The following EPAS1 variants were observed in gnomAD, a reference collection of about 807,000 sequenced individuals.
EPAS1 encodes endothelial PAS domain protein 1, also known as endothelial PAS domain-containing protein 1.
A neutral mutation model predicts 87.9 loss-of-function variants in EPAS1; 23 were observed. The observed-to-expected ratio is 0.26, with a 90% CI of 0.19 to 0.37. EPAS1 has a LOEUF of 0.37. EPAS1 is among the 10% of genes least tolerant of loss of function. The pLI is 1.00. For missense variants in EPAS1, 1,138 were observed against 1,120.7 expected (o/e 1.02, Z -0.22); for synonymous variants, 508 against 444.3 (o/e 1.14, Z -1.80).
intron 1 of EPAS1, among the ~76,000 whole-genome samples, chr2:46,317,330 A>C (rs1325325513): frequency 1.3e-5 from 2 of 152,212 alleles, no homozygotes; most frequent in African/African-American, 4.8e-5. Flanking sequence ...ATAGCCTTAC[A>C]AAATTTCTTG....
At position 46,384,986 on chromosome 2, in the gene EPAS1, T is replaced by C. The variant is rs1684981878; in HGVS notation, c.*326T>C. 2.7e-6 allele frequency: 1 copy of C among 372,042 alleles called. No individual in the cohort carries two copies. The highest frequency in any genetic ancestry group is 5.1e-6 in the Non-Finnish European group (1 of 195,752). 23.0% of individuals were successfully genotyped at this position (372,042 alleles called of 1,614,324 possible). ...TCCTTCTCCTTCTCACACACAACTG[T>C]CCATACTAACAAGTTTGGTGCATGT... On this transcript the variant is annotated 3_prime_UTR_variant, in exon 16 of 16. Coordinates refer to ENST00000263734, the MANE Select transcript of EPAS1 (RefSeq NM_001430.5).
At position 46,311,020 on chromosome 2, in the gene EPAS1, G is replaced by A. The variant is rs575321734; in HGVS notation, c.26+13083G>A. Among the ~76,000 whole-genome samples, 12 of 152,280 alleles carry A rather than the reference G, an allele frequency of 7.9e-5. No individual in the cohort carries two copies. In the South Asian group the frequency reaches 2.3e-3, roughly 29 times the overall value. ...GCCTCCCCAGTAGTTGGGACTACAGGTGCCTGCCACGATGCCCAGCTAATT... is the reference window on the plus strand; with the variant it reads ...GCCTCCCCAGTAGTTGGGACTACAGATGCCTGCCACGATGCCCAGCTAATT... On this transcript the variant is annotated intron_variant, in intron 1 of 15. Coordinates refer to ENST00000263734, the MANE Select transcript of EPAS1 (RefSeq NM_001430.5).
In EPAS1 at chr2:46,371,363, G is replaced by A. The variant is rs1684623859; in HGVS notation, c.886+1430G>A. On this transcript the variant is annotated intron_variant, in intron 7 of 15. Transcript: ENST00000263734. This position sits in a 1 kb window ranked among gnomAD's most constrained non-coding sequence, Gnocchi z 4.3. ...AGTGAGATCTTTCTTTTCTTTTATT[G>A]GTTCCTCTGCCTCTTCCTCATGGCT... Among the ~76,000 whole-genome samples, 1 of 152,030 alleles carries A rather than the reference G, an allele frequency of 6.6e-6. No individual in the cohort carries two copies. The highest frequency in any genetic ancestry group is 6.6e-5 in the Admixed American group (1 of 15,262).
At position 46,347,779 on chromosome 2, in the gene EPAS1, C is replaced by T. The variant is rs1684063886; in HGVS notation, c.217+716C>T. On this transcript the variant is annotated intron_variant, in intron 2 of 15. Coordinates refer to ENST00000263734, the MANE Select transcript of EPAS1 (RefSeq NM_001430.5). The surrounding 1 kb of genome is among the most constrained non-coding windows in gnomAD (Gnocchi z 4.2). ...GTTACATTCTTCAAGAAACCATTTC[C>T]TATGCGTCCTGACCAGAAACAGGTG... Among the ~76,000 whole-genome samples, 1 of 152,194 alleles carries T rather than the reference C, an allele frequency of 6.6e-6. No homozygotes were observed. The highest frequency in any genetic ancestry group is 2.4e-5 in the African/African-American group (1 of 41,454).
At chr2:46,363,497 C>G (rs1207611907) in intron 6 of EPAS1, among the ~76,000 whole-genome samples, 1 of 152,150 alleles carries the variant, frequency 6.6e-6, no homozygotes, top group East Asian at 1.9e-4. Flanking sequence ...TATTCATTAT[C>G]TTGGTTTAAA....
At chr2:46,366,521 C>G (rs1431746867) in intron 6 of EPAS1, among the ~76,000 whole-genome samples, 1 of 146,244 alleles carries the variant, frequency 6.8e-6, no homozygotes, top group Non-Finnish European at 1.6e-5. Flanking sequence ...TCTCTCCTCA[C>G]TGCATCCTTG....
At chr2:46,351,839 A>G (rs1572633496) in intron 2 of EPAS1, among the ~76,000 whole-genome samples, 2 of 152,008 alleles carry the variant, frequency 1.3e-5, no homozygotes, top group African/African-American at 4.8e-5. Flanking sequence ...CTCTGAGACC[A>G]CTCAGGAGCC....
At chr2:46,329,441 G>A (rs554004231) in intron 1 of EPAS1, among the ~76,000 whole-genome samples, 43 of 152,182 alleles carry the variant, frequency 2.8e-4, no homozygotes, top group Non-Finnish European at 2.5e-4. Flanking sequence ...CAATGAGACC[G>A]AGGAGTTGTC....
intron 7 of EPAS1, among the ~76,000 whole-genome samples, chr2:46,372,626 C>A (rs927028945): frequency 5.3e-5 from 8 of 152,190 alleles, no homozygotes; most frequent in Admixed American, 1.3e-4. Context: ...CTTTTTATGG[C>A]CTTTAATCTT....
Position 46,330,703 on chromosome 2 carries a change from AC to A in EPAS1, c.27-16168del, listed in dbSNP as rs111997675. On this transcript the variant is annotated intron_variant, in intron 1 of 15. Transcript: ENST00000263734. ...TAGGGTTGCCCCATGGTTCAGCTAA[AC>A]CAGGATTCTGCTTCCGGCTGAGGGC... Among the ~76,000 whole-genome samples, 30 of 152,342 alleles carry A rather than the reference AC, an allele frequency of 2.0e-4. 1 individual carries two copies. The highest frequency in any genetic ancestry group is 7.0e-4 in the African/African-American group (29 of 41,574).
chr2:46,346,985 G>A lies in EPAS1; in HGVS notation c.139G>A (p.Val47Met). Reference sequence around the variant, plus strand: ...CCATGAGCTGCCTCTGCCCCACAGTGTGAGCTCCCATCTGGACAAGGCCTC... The same window carrying A: ...CCATGAGCTGCCTCTGCCCCACAGTATGAGCTCCCATCTGGACAAGGCCTC... ...LAHELPLPHS[V>M]SSHLDKASIM... The change falls in exon 2 of 16, where the codon GTG becomes ATG. Residue 47 changes from valine (V) to methionine (M), a missense_variant. By Grantham distance (21) the Val-to-Met change is conservative. This residue lies in a region of EPAS1 where 351 missense variants were observed against 417.1 expected (regional missense o/e 0.84). Coordinates refer to ENST00000263734, the MANE Select transcript of EPAS1 (RefSeq NM_001430.5). The surrounding 1 kb of genome is among the most constrained non-coding windows in gnomAD (Gnocchi z 4.0). 6.2e-7 allele frequency: 1 copy of A among 1,614,232 alleles called. No homozygotes were observed. The highest frequency in any genetic ancestry group is 8.5e-7 in the Non-Finnish European group (1 of 1,180,038).
At position 46,346,646 on chromosome 2, in the gene EPAS1, A is replaced by G. The variant is rs781069866; in HGVS notation, c.27-227A>G. On this transcript the variant is annotated intron_variant, in intron 1 of 15. Transcript: ENST00000263734. This position sits in a 1 kb window ranked among gnomAD's most constrained non-coding sequence, Gnocchi z 4.0. ...TGTGAAGCCCTGTTCTGGCCTCCACAGGGAATGCAAGAGGAGGACTTTGGT... is the reference window on the plus strand; with the variant it reads ...TGTGAAGCCCTGTTCTGGCCTCCACGGGGAATGCAAGAGGAGGACTTTGGT... 7.2e-5 allele frequency among the ~76,000 whole-genome samples: 11 copies of G among 152,348 alleles called. No homozygotes were observed. Among genetic ancestry groups the G allele is most frequent in the Non-Finnish European group, 1.3e-4 (9 of 68,036 alleles).
At chr2:46,330,512 A>G (rs1683653827) in intron 1 of EPAS1, among the ~76,000 whole-genome samples, 1 of 152,238 alleles carries the variant, frequency 6.6e-6, no homozygotes. Flanking sequence ...GAAGTTCTCT[A>G]GAATTGGCAA....
chr2:46,301,998 G>T (rs759666321), intron 1 of EPAS1, among the ~76,000 whole-genome samples: 1 of 152,090 alleles, frequency 6.6e-6, no homozygotes, highest in Non-Finnish European at 1.5e-5. Context: ...GCTTTTTGAG[G>T]TAGAGAACAT....
Position 46,378,436 on chromosome 2 carries a change from G to A in EPAS1, c.1444-221G>A, listed in dbSNP as rs1440563920. 3.9e-5 allele frequency among the ~76,000 whole-genome samples: 6 copies of A among 152,192 alleles called. No individual in the cohort carries two copies. The South Asian group carries it at 6.2e-4, about 16-fold the overall frequency. On this transcript the variant is annotated intron_variant, in intron 10 of 15. Coordinates refer to ENST00000263734, the MANE Select transcript of EPAS1 (RefSeq NM_001430.5). The stretch of plus-strand genomic sequence containing the variant: ...CTCAAGACAGGACAACCTGTGAAGC[G>A]ACAGTAGCCTCATTTTATGATGAGG...
At chr2:46,307,809 AGCTGTTTTAG>A (rs1331402862) in intron 1 of EPAS1, among the ~76,000 whole-genome samples, 1 of 152,204 alleles carries the variant, frequency 6.6e-6, no homozygotes, top group Non-Finnish European at 1.5e-5. Flanking sequence ...CTGATCCTGC[AGCTGTTTTAG>A]GCCTCCTCAG....
At chr2:46,308,337 T>G (rs925683864) in intron 1 of EPAS1, among the ~76,000 whole-genome samples, 1 of 152,148 alleles carries the variant, frequency 6.6e-6, no homozygotes, top group African/African-American at 2.4e-5. Flanking sequence ...AAGAGCCTGC[T>G]TATATTTCCT....
intron 2 of EPAS1, among the ~76,000 whole-genome samples, chr2:46,352,473 G>A (rs557234259): frequency 3.3e-5 from 5 of 152,294 alleles, no homozygotes; most frequent in African/African-American, 7.2e-5. Context: ...TAGGGAGCGC[G>A]TGCATTTTCC....
rs757461323 is a variant in EPAS1 at position 46,381,545 on chromosome 2, G to C, written c.2046-51G>C. The C allele has an allele frequency of 4.3e-6, 7 of 1,613,476 alleles. No individual in the cohort carries two copies. In the Admixed American group the frequency reaches 1.0e-4, roughly 23 times the overall value. ...GGCCCCTAAGATGAGAAGGCACTGA[G>C]TGGCATGTGGCTCCAGACTCCCTCA... On this transcript the variant is annotated intron_variant, in intron 12 of 15. Coordinates refer to ENST00000263734, the MANE Select transcript of EPAS1 (RefSeq NM_001430.5).
Sources: gnomAD v4.1 joint callset for allele counts (sites outside exome capture counted in the v4.1 genomes callset) on GRCh38, gnomAD v4.1.1 for gene constraint, gnomAD v4.1.1 regional missense constraint, Gnocchi (gnomAD v3.1) non-coding constraint, MANE v1.5 for transcripts, NCBI Gene and HGNC (gene_info 2026-07-23, HGNC 2026-07-21) for gene names.